The following ANKDD1B variants were observed in gnomAD, a reference collection of about 807,000 sequenced individuals.
ANKDD1B encodes the protein ankyrin repeat and death domain-containing protein 1B.
In ANKDD1B, 57 loss-of-function variants were observed where a neutral mutation model predicts 59.7. That is an observed-to-expected ratio of 0.95 (90% CI 0.77 to 1.19). The LOEUF is 1.19. Ranked by LOEUF, ANKDD1B falls within the 50% of genes most tolerant of loss-of-function variation. The pLI, the probability that ANKDD1B is intolerant of heterozygous loss-of-function variation, is 0.00. For synonymous variants in ANKDD1B, 216 were observed against 239.5 expected (o/e 0.90, Z 0.91); for missense variants, 602 against 641.9 (o/e 0.94, Z 0.67).
At chr5:75,663,542 T>C in intron 11 of ANKDD1B, 53 bp downstream of exon 11, 1 of 1,408,496 alleles carries the variant, frequency 7.1e-7, no homozygotes, top group Non-Finnish European at 9.7e-7. Context: ...ACACCCATCT[T>C]CTTGCAGGGG....
chr5:75,669,205 A>G, intron 12 of ANKDD1B, 47 bp from the exon 13 acceptor site: 3 of 1,231,328 alleles, frequency 2.4e-6, no homozygotes, highest in Non-Finnish European at 3.0e-6. Context: ...ATGGAAAGAG[A>G]TAGCAGCTCG....
chr5:75,630,344 C>A (rs1352685389), intron 5 of ANKDD1B, among the ~76,000 whole-genome samples: 1 of 152,126 alleles, frequency 6.6e-6, no homozygotes. Flanking sequence ...CTTTATGCTA[C>A]CTTTTCATAT....
intron 7 of ANKDD1B, among the ~76,000 whole-genome samples, chr5:75,652,783 G>A (rs1336866659): frequency 2.0e-5 from 3 of 152,164 alleles, no homozygotes; most frequent in Non-Finnish European, 2.9e-5. Flanking sequence ...GAATGACAGG[G>A]ATATGTTATG....
At chr5:75,670,740 T>C (rs930771622) in intron 13 of ANKDD1B, among the ~76,000 whole-genome samples, 3 of 152,218 alleles carry the variant, frequency 2.0e-5, no homozygotes, top group Admixed American at 2.0e-4. Flanking sequence ...TAAGGGTATG[T>C]GTTCTGACGC....
At chr5:75,614,176 C>T (rs1182559874) in intron 1 of ANKDD1B, among the ~76,000 whole-genome samples, 3 of 152,138 alleles carry the variant, frequency 2.0e-5, no homozygotes. Flanking sequence ...TTTCATTACT[C>T]ATAGCAGTAG....
intron 9 of ANKDD1B, 51 bp downstream of exon 9, chr5:75,656,178 C>A: frequency 2.2e-6 from 2 of 889,110 alleles, no homozygotes; most frequent in Non-Finnish European, 3.4e-6. Context: ...AGTTTCAACA[C>A]AGTGTGTGTT....
chr5:75,634,485 A>G (rs922355848), intron 5 of ANKDD1B, among the ~76,000 whole-genome samples: 22 of 152,226 alleles, frequency 1.4e-4, no homozygotes, highest in Admixed American at 2.0e-4. Context: ...AGAGTAAGGG[A>G]AGGCTTAGTA....
chr5:75,637,980 C>T (rs979828002), intron 7 of ANKDD1B, among the ~76,000 whole-genome samples: 2 of 152,112 alleles, frequency 1.3e-5, no homozygotes, highest in Admixed American at 1.3e-4. Context: ...ACAATTATAC[C>T]CACCTGGTTG....
chr5:75,625,509 A>G (rs1773967119), intron 3 of ANKDD1B, 138 bp from the exon 4 acceptor site: 1 of 670,980 alleles, frequency 1.5e-6, no homozygotes, highest in Non-Finnish European at 2.5e-6. Context: ...GGACCGAAAT[A>G]TCACTTTTGC....
In ANKDD1B at chr5:75,625,910, T is replaced by A; in HGVS notation, c.555T>A (p.Tyr185Ter). The stretch of plus-strand genomic sequence containing the variant: ...GCAATCATGTGCGCATCGTGGAGTA[T>A]CTTATTCAAGATCTGCACCTCAAGG... The part of the protein sequence containing the change: ...TQSNHVRIVE[Y>*]LIQDLHLKDL... Residue 185 changes from tyrosine to a stop codon, truncating the protein, a stop_gained, in exon 5 of 14, where the codon TAT becomes TAA. Transcript: ENST00000601380. LOFTEE classifies it high-confidence loss of function. 2 of 1,536,084 alleles carry A rather than the reference T, an allele frequency of 1.3e-6. No homozygotes were observed. The highest frequency in any genetic ancestry group is 4.9e-5 in the East Asian group (2 of 40,938).
chr5:75,647,537 C>A (rs1357804969), intron 7 of ANKDD1B, among the ~76,000 whole-genome samples: 1 of 120,274 alleles, frequency 8.3e-6, no homozygotes, highest in Non-Finnish European at 1.6e-5. Flanking sequence ...AAATGCAAAT[C>A]AAAACCACAA....
intron 3 of ANKDD1B, among the ~76,000 whole-genome samples, 198 bp from the exon 4 acceptor site, chr5:75,625,449 G>GA (rs1474403649): frequency 6.6e-6 from 1 of 152,098 alleles, no homozygotes; most frequent in Non-Finnish European, 1.5e-5. Flanking sequence ...CTTCCAGATG[G>GA]AGAACCACTT....
intron 6 of ANKDD1B, chr5:75,635,292 A>C (rs762560556): frequency 3.8e-6 from 1 of 266,478 alleles, no homozygotes; most frequent in Non-Finnish European, 7.2e-6. Flanking sequence ...GGTCTCCTGG[A>C]GGCTCAGCCT....
chr5:75,629,219 A>G (rs1341757353), intron 5 of ANKDD1B, among the ~76,000 whole-genome samples: 1 of 151,676 alleles, frequency 6.6e-6, no homozygotes, highest in Non-Finnish European at 1.5e-5. Context: ...GAACTAACCC[A>G]GTGTCTCCCA....
At chr5:75,649,464 G>T (rs758305086) in intron 7 of ANKDD1B, among the ~76,000 whole-genome samples, 42 of 151,960 alleles carry the variant, frequency 2.8e-4, no homozygotes, top group Admixed American at 5.9e-4. Flanking sequence ...TTGGTATCGT[G>T]GAACCAATAA....
chr5:75,655,501 T>C (rs916119442), intron 8 of ANKDD1B, among the ~76,000 whole-genome samples: 12 of 152,346 alleles, frequency 7.9e-5, no homozygotes, highest in Middle Eastern at 6.8e-3. Flanking sequence ...CTTTAGCTTT[T>C]TGAAGTCTCT....
chr5:75,664,207 C>T (rs1775244799), intron 11 of ANKDD1B, among the ~76,000 whole-genome samples: 1 of 152,220 alleles, frequency 6.6e-6, no homozygotes, highest in African/African-American at 2.4e-5. Context: ...TGGAGCCCAC[C>T]CTGAGTTTCT....
In ANKDD1B at chr5:75,663,559, G is replaced by T; in HGVS notation, c.1191+70G>T. On this transcript the variant is annotated intron_variant, in intron 11 of 13. Coordinates refer to ENST00000601380, the MANE Select transcript of ANKDD1B (RefSeq NM_001276713.2). Reference sequence around the variant, plus strand: ...ACCCATCTTCTTGCAGGGGCAATGGGGGGGTCTGTGCCATTCTTTGCTCTA... The same window carrying T: ...ACCCATCTTCTTGCAGGGGCAATGGTGGGGTCTGTGCCATTCTTTGCTCTA... The T allele has an allele frequency of 5.7e-6, 7 of 1,234,270 alleles. No homozygotes were observed. The South Asian group carries it at 7.7e-5, about 14-fold the overall frequency. 76.5% of individuals were successfully genotyped at this position (1,234,270 alleles called of 1,614,324 possible). A position where few individuals can be genotyped will look rare whatever the true frequency, so the allele number is the denominator to read the frequency against.
chr5:75,661,494 G>A (rs1735593139), intron 10 of ANKDD1B, among the ~76,000 whole-genome samples: 1 of 148,864 alleles, frequency 6.7e-6, no homozygotes, highest in Non-Finnish European at 1.5e-5. Flanking sequence ...AACACAGAAT[G>A]TTATCACTTG....
Sources: allele counts gnomAD v4.1 joint callset (sites outside exome capture counted in the v4.1 genomes callset), GRCh38; gene constraint gnomAD v4.1.1; transcripts MANE v1.5; gene names NCBI Gene and HGNC (gene_info 2026-07-23, HGNC 2026-07-21).